Variants in EPG5 observed in about 807,000 individuals in gnomAD.
EPG5 encodes ectopic P-granules 5 autophagy tethering factor.
A neutral mutation model predicts 302.7 loss-of-function variants in EPG5; 159 were observed. That is an observed-to-expected ratio of 0.53 (90% CI 0.46 to 0.60). The LOEUF is 0.60. Among genes scored for constraint, EPG5 ranks in the 20% least tolerant of loss-of-function variants. EPG5 has a pLI of 0.00. For missense variants in EPG5, 2,896 were observed against 3,092.4 expected, an observed-to-expected ratio of 0.94 and a Z score of 1.51; for synonymous variants, 1,158 against 1,136.8, an observed-to-expected ratio of 1.02 and a Z score of -0.37.
intron 26 of EPG5, 58 bp downstream of exon 26, chr18:45,900,938 T>C (rs2049599199): frequency 1.3e-6 from 2 of 1,555,530 alleles, no homozygotes; most frequent in African/African-American, 1.4e-5. Flanking sequence ...TAGCAAATTA[T>C]CCAGGCTGTC....
At chr18:45,940,908 G>A (rs1231724769) in intron 9 of EPG5, among the ~76,000 whole-genome samples, 3 of 152,190 alleles carry the variant, frequency 2.0e-5, no homozygotes, top group African/African-American at 4.8e-5. Flanking sequence ...GAAGGGGGGA[G>A]AGTGAGTTCA....
chr18:45,850,984 TAAAC>T lies in EPG5; in HGVS notation c.*1479_*1482del, dbSNP rs2048416205. 1 of 152,250 alleles carries T rather than the reference TAAAC, an allele frequency of 6.6e-6. No homozygotes were observed. Among genetic ancestry groups the T allele is most frequent in the Non-Finnish European group, 1.5e-5 (1 of 68,032 alleles). 9.4% of individuals were successfully genotyped at this position (152,250 alleles called of 1,614,324 possible). A position where few individuals can be genotyped will look rare whatever the true frequency, so the allele number is the denominator to read the frequency against. On this transcript the variant is annotated 3_prime_UTR_variant, in exon 44 of 44. Transcript: ENST00000282041. ...TTGTGGCCTGTAAAACTCAAGAGAC[TAAAC>T]AGGGATGTTCTTTATCAGAGCTGCA...
At chr18:45,959,627 G>A (rs1274771843) in intron 1 of EPG5, among the ~76,000 whole-genome samples, 1 of 150,996 alleles carries the variant, frequency 6.6e-6, no homozygotes, top group Non-Finnish European at 1.5e-5. Context: ...GTCTGGGGTG[G>A]GGGCGGGGTG....
chr18:45,954,998 G>C lies in EPG5; in HGVS notation c.404C>G (p.Pro135Arg), dbSNP rs773717848. The C allele has an allele frequency of 5.6e-6, 9 of 1,614,078 alleles. No homozygotes were observed. In the Admixed American group the frequency reaches 1.2e-4, roughly 21 times the overall value. ...TTCCTCTACCTCTGTGAAGTTCTTG[G>C]GGGTTTCTACTTTAGTTCCAACATT... ...GDNVGTKVET[P>R]KNFTEVEENM... The change falls in exon 2 of 44, where the codon CCC becomes CGC. Residue 135 changes from proline (P) to arginine (R), a missense_variant. By Grantham distance (103) the Pro-to-Arg change is moderately radical. Coordinates refer to ENST00000282041, the MANE Select transcript of EPG5 (RefSeq NM_020964.3).
At chr18:45,951,590 C>G (rs1345707736) in intron 3 of EPG5, among the ~76,000 whole-genome samples, 5 of 152,020 alleles carry the variant, frequency 3.3e-5, no homozygotes, top group African/African-American at 7.2e-5. Context: ...TCTTGAGTAG[C>G]TGGGATTACT....
chr18:45,896,683 C>G (rs1163309846), intron 27 of EPG5, among the ~76,000 whole-genome samples: 1 of 152,070 alleles, frequency 6.6e-6, no homozygotes, highest in African/African-American at 2.4e-5. Flanking sequence ...TAGCTTGGAC[C>G]ACAGGCGTGC....
At chr18:45,845,960 G>A (rs1300722759), downstream of EPG5, among the ~76,000 whole-genome samples, 1 of 152,220 alleles carries the variant, frequency 6.6e-6, no homozygotes, top group Non-Finnish European at 1.5e-5. Context: ...AGTAGGCCCT[G>A]CCTTGAGATG....
At chr18:45,886,844 G>A (rs1486599359) in intron 29 of EPG5, among the ~76,000 whole-genome samples, 6 of 152,080 alleles carry the variant, frequency 3.9e-5, no homozygotes, top group African/African-American at 1.4e-4. Flanking sequence ...TTATAGTAGA[G>A]GCAGGGTTTC....
At chr18:45,958,358 C>T (rs1320698846) in intron 1 of EPG5, among the ~76,000 whole-genome samples, 1 of 152,116 alleles carries the variant, frequency 6.6e-6, no homozygotes, top group East Asian at 1.9e-4. Flanking sequence ...ATGCAAGTGA[C>T]CCACAACAGA....
chr18:45,913,919 TATCTCA>T, intron 20 of EPG5, 91 bp from the exon 21 acceptor site: 3 of 1,488,920 alleles, frequency 2.0e-6, no homozygotes, highest in Non-Finnish European at 2.7e-6. Context: ...AATCTCTTCC[TATCTCA>T]AGCTCAATCA....
At position 45,866,006 on chromosome 18, in the gene EPG5, A is replaced by G. The variant is rs28639822; in HGVS notation, c.6622-247T>C. ...GGCAGAATACTCTTCCTTTTTTACTACAAGAATAACAACATTAACCAAACA... is the reference window on the plus strand; with the variant it reads ...GGCAGAATACTCTTCCTTTTTTACTGCAAGAATAACAACATTAACCAAACA... On this transcript the variant is annotated intron_variant, in intron 38 of 43. Transcript: ENST00000282041. 3.4e-3 allele frequency among the ~76,000 whole-genome samples: 521 copies of G among 152,314 alleles called. 2 individuals are homozygous for G. Among genetic ancestry groups the G allele is most frequent in the African/African-American group, 0.012 (496 of 41,560 alleles).
At chr18:45,925,325 T>A (rs147137292) in intron 14 of EPG5, among the ~76,000 whole-genome samples, 52 of 152,070 alleles carry the variant, frequency 3.4e-4, no homozygotes, top group African/African-American at 1.3e-3. Context: ...ATACAAAAAT[T>A]AGTCAGGTGT....
the EPG5 span, among the ~76,000 whole-genome samples, chr18:45,808,833 A>T: frequency 1.3e-5 from 2 of 152,300 alleles, no homozygotes; most frequent in South Asian, 2.1e-4. Flanking sequence ...ATAAAAACAA[A>T]AAAACAAGGT....
chr18:45,812,055 A>C, the EPG5 span, among the ~76,000 whole-genome samples: 10 of 151,356 alleles, frequency 6.6e-5, no homozygotes, highest in East Asian at 3.9e-4. Flanking sequence ...AGCTGATAAG[A>C]AACTTCAGCA....
the EPG5 span, among the ~76,000 whole-genome samples, chr18:45,839,292 A>C: frequency 6.6e-6 from 1 of 152,212 alleles, no homozygotes; most frequent in African/African-American, 2.4e-5. Flanking sequence ...GCAATAAGGA[A>C]GCTGAGGCTC....
intron 39 of EPG5, among the ~76,000 whole-genome samples, chr18:45,865,285 C>T (rs577652627): frequency 3.3e-5 from 5 of 152,316 alleles, no homozygotes; most frequent in East Asian, 1.9e-4. Context: ...GACACAGTTT[C>T]TTGACAAGTC....
At chr18:45,880,269 G>C in intron 31 of EPG5, 46 bp from the exon 32 acceptor site, 18 of 1,496,388 alleles carry the variant, frequency 1.2e-5, no homozygotes, top group Non-Finnish European at 1.5e-5. Context: ...TTCCCGAAAG[G>C]AATATTTTAA....
chr18:45,944,130 A>G lies in EPG5; in HGVS notation c.1678-11T>C, dbSNP rs754970592. The G allele has an allele frequency of 6.4e-7, 1 of 1,553,492 alleles. No homozygotes were observed. The highest frequency in any genetic ancestry group is 1.1e-5 in the South Asian group (1 of 89,850). On this transcript the variant is annotated splice_polypyrimidine_tract_variant and intron_variant, in intron 7 of 43. Transcript: ENST00000282041. ...CTCAGGGTCTTCATCCTAAGGGAAA[A>G]GACAAAAAATCATGTCAGCAGATTT...
chr18:45,867,488 A>G, intron 37 of EPG5, 75 bp downstream of exon 37: 1 of 1,253,912 alleles, frequency 8.0e-7, no homozygotes, highest in Non-Finnish European at 1.1e-6. Flanking sequence ...AAAACAAATG[A>G]AAAACTACGA....
Sources: gnomAD v4.1 joint callset for allele counts (sites outside exome capture counted in the v4.1 genomes callset) on GRCh38, gnomAD v4.1.1 for gene constraint, MANE v1.5 for transcripts, NCBI Gene and HGNC (gene_info 2026-07-23, HGNC 2026-07-21) for gene names.